Variants in C6orf52 observed in about 807,000 individuals in gnomAD.
The protein encoded by C6orf52 is putative uncharacterized protein C6orf52.
Under a neutral mutation model 16.6 loss-of-function variants are expected in C6orf52, and 16 were observed. The observed-to-expected ratio is 0.96, with a 90% CI of 0.65 to 1.46. The LOEUF is 1.46. Among genes scored for constraint, C6orf52 ranks in the 40% most tolerant of loss-of-function variants. The probability of loss-of-function intolerance (pLI) is 0.00; values close to 1 mark genes in which losing one functional copy is unlikely to be tolerated. For missense variants in C6orf52, 166 were observed against 182.3 expected (o/e 0.91, Z 0.52); for synonymous variants, 53 against 61.4 (o/e 0.86, Z 0.64).
intron 1 of C6orf52, among the ~76,000 whole-genome samples, chr6:10,694,034 C>G (rs1287631153): frequency 6.6e-6 from 1 of 152,072 alleles, no homozygotes; most frequent in African/African-American, 2.4e-5. Context: ...TCGAGGCAAG[C>G]GGATCACCTG....
At chr6:10,679,920 AAG>A (rs1768227808) in intron 4 of C6orf52, among the ~76,000 whole-genome samples, 1 of 152,172 alleles carries the variant, frequency 6.6e-6, no homozygotes, top group South Asian at 2.1e-4. Flanking sequence ...TTTTATCATG[AAG>A]AGATAACTGA....
chr6:10,672,869 T>C lies in C6orf52; in HGVS notation c.317-1271A>G, dbSNP rs143221166. ...TTTGTTTAAACCACCCAGTCTGTGG[T>C]ACTATGTTACAGTAGCCCTAGAAGA... On this transcript the variant is annotated intron_variant, in intron 4 of 4. Coordinates refer to ENST00000259983, the MANE Select transcript of C6orf52 (RefSeq NM_001145020.3). Among the ~76,000 whole-genome samples the C allele has an allele frequency of 6.8e-3, 1,034 of 152,308 alleles. 9 individuals carry two copies. The highest frequency in any genetic ancestry group is 0.023 in the African/African-American group (955 of 41,572).
Position 10,694,598 on chromosome 6 carries a change from AAGCAACC to A in C6orf52, c.-123_-117del. The A allele has an allele frequency of 1.2e-5, 2 of 172,158 alleles. No individual in the cohort carries two copies. The highest frequency in any genetic ancestry group is 1.7e-4 in the East Asian group (1 of 6,050). The allele number at this position is 172,158 out of a possible 1,614,324, so 10.7% of individuals were successfully genotyped here. On this transcript the variant is annotated 5_prime_UTR_variant, in exon 1 of 5. Transcript: ENST00000259983. ...GCACGCTGCCGGCGCTACAGCCCCT[AAGCAACC>A]GGCCGGAAGTCGGCCCCACCTCCTC...
intron 1 of C6orf52, among the ~76,000 whole-genome samples, chr6:10,691,753 C>T (rs1234629562): frequency 6.6e-6 from 1 of 152,102 alleles, no homozygotes; most frequent in East Asian, 1.9e-4. Context: ...CCAGGAACCC[C>T]CAGATTAGTA....
intron 1 of C6orf52, among the ~76,000 whole-genome samples, chr6:10,692,480 G>A (rs896331874): frequency 6.6e-6 from 1 of 152,006 alleles, no homozygotes; most frequent in Non-Finnish European, 1.5e-5. Flanking sequence ...TCTCACTCTT[G>A]CCCACGCTGG....
In C6orf52 at chr6:10,684,659, C is replaced by T. The variant is rs142018370; in HGVS notation, c.271-1427G>A. Among the ~76,000 whole-genome samples the T allele has an allele frequency of 2.9e-4, 44 of 152,242 alleles. No homozygotes were observed. In the East Asian group the frequency reaches 8.5e-3, roughly 29 times the overall value. ...ATTTTGGAGACATCCACCTCCACAA[C>T]GTGAAAATGTAAAGGAGAGGGCTGG... On this transcript the variant is annotated intron_variant, in intron 3 of 4. Transcript: ENST00000259983.
chr6:10,673,510 GA>G (rs1767604949), intron 4 of C6orf52, among the ~76,000 whole-genome samples: 1 of 152,192 alleles, frequency 6.6e-6, no homozygotes, highest in Admixed American at 6.5e-5. Context: ...ACACCACATT[GA>G]AAGCAGAATG....
Position 10,687,066 on chromosome 6 carries a change from G to T in C6orf52, c.170C>A (p.Ser57Tyr). Residue 57 changes from serine (S) to tyrosine (Y), a missense_variant, in exon 3 of 5, where the codon TCT becomes TAT. By Grantham distance (144) the Ser-to-Tyr change is moderately radical. Transcript: ENST00000259983. ...CACTGCACAGCCATAGCTGTAGCCAGAAAGAAGGTAAGAGCCGTGCTGTCG... is the reference window on the plus strand; with the variant it reads ...CACTGCACAGCCATAGCTGTAGCCATAAAGAAGGTAAGAGCCGTGCTGTCG... The part of the protein sequence containing the change: ...YARQHGSYLL[S>Y]GYSYGCAVDG... The T allele has an allele frequency of 6.4e-7, 1 of 1,551,922 alleles. No individual in the cohort carries two copies.
At chr6:10,694,630 C>CATTAAAAAA, upstream of C6orf52, 104 of 198,892 alleles carry the variant, frequency 5.2e-4, no homozygotes, top group South Asian at 2.7e-3. Context: ...CCCACCTCCT[C>CATTAAAAAA]CTGATGTCAC....
chr6:10,675,263 CAT>C (rs368670319), intron 4 of C6orf52, among the ~76,000 whole-genome samples: 114 of 152,306 alleles, frequency 7.5e-4, no homozygotes, highest in African/African-American at 2.4e-3. Context: ...TAAGATTCCA[CAT>C]GAGTGAAATC....
chr6:10,671,837 A>G (rs1357207907), intron 4 of C6orf52, among the ~76,000 whole-genome samples: 1 of 152,210 alleles, frequency 6.6e-6, no homozygotes, highest in Non-Finnish European at 1.5e-5. Flanking sequence ...GATGGAGGAA[A>G]AAAATGGACA....
At chr6:10,671,842 T>TG (rs1301712360) in intron 4 of C6orf52, among the ~76,000 whole-genome samples, 1 of 151,888 alleles carries the variant, frequency 6.6e-6, no homozygotes, top group African/African-American at 2.4e-5. Flanking sequence ...AGGAAAAAAA[T>TG]GGACAGATTT....
intron 1 of C6orf52, among the ~76,000 whole-genome samples, chr6:10,688,193 G>A (rs549339984): frequency 6.7e-6 from 1 of 150,222 alleles, no homozygotes; most frequent in African/African-American, 2.5e-5. Flanking sequence ...ATATTTCTCT[G>A]GTTCAGTTTT....
At chr6:10,678,123 G>A (rs1768052001) in intron 4 of C6orf52, among the ~76,000 whole-genome samples, 2 of 149,394 alleles carry the variant, frequency 1.3e-5, no homozygotes, top group South Asian at 4.2e-4. Flanking sequence ...GGAGGCGGTT[G>A]CAGTGAGCCG....
Position 10,671,616 on chromosome 6 carries a change from G to A in C6orf52, c.317-18C>T, listed in dbSNP as rs1353332535. On this transcript the variant is annotated intron_variant, in intron 4 of 4. Coordinates refer to ENST00000259983, the MANE Select transcript of C6orf52 (RefSeq NM_001145020.3). ...ATGTGGATCTGCAGAAGCCAATAAT[G>A]GATATGAAAAAAATAGAGTTTTACA... The A allele has an allele frequency of 8.7e-6, 13 of 1,496,134 alleles. No homozygotes were observed. The highest frequency in any genetic ancestry group is 2.4e-5 in the Admixed American group (1 of 41,898). The allele number at this position is 1,496,134 out of a possible 1,614,324, so 92.7% of individuals were successfully genotyped here.
At chr6:10,690,533 A>G (rs1260570473) in intron 1 of C6orf52, among the ~76,000 whole-genome samples, 1 of 152,180 alleles carries the variant, frequency 6.6e-6, no homozygotes, top group Non-Finnish European at 1.5e-5. Flanking sequence ...TATTTCTAAC[A>G]GGGCTGATTT....
intron 4 of C6orf52, among the ~76,000 whole-genome samples, chr6:10,672,032 T>C (rs1767465942): frequency 6.6e-6 from 1 of 152,186 alleles, no homozygotes; most frequent in Non-Finnish European, 1.5e-5. Flanking sequence ...AGTTAACAGA[T>C]AAAGTGAATT....
At chr6:10,678,489 A>G (rs774083819) in intron 4 of C6orf52, among the ~76,000 whole-genome samples, 71 of 152,366 alleles carry the variant, frequency 4.7e-4, no homozygotes, top group African/African-American at 1.5e-3. Context: ...TACAAAATTA[A>G]TAAGTTTATT....
At chr6:10,684,692 G>C (rs1768706748) in intron 3 of C6orf52, among the ~76,000 whole-genome samples, 3 of 152,344 alleles carry the variant, frequency 2.0e-5, no homozygotes, top group Admixed American at 2.0e-4. Context: ...TGGAGAGGGG[G>C]TAACCCCTTT....
Sources: allele counts gnomAD v4.1 joint callset (sites outside exome capture counted in the v4.1 genomes callset), GRCh38; gene constraint gnomAD v4.1.1; transcripts MANE v1.5; gene names NCBI Gene and HGNC (gene_info 2026-07-23, HGNC 2026-07-21).